The following LRBA variants were observed in gnomAD, a reference collection of about 807,000 sequenced individuals.
The protein encoded by LRBA is LPS responsive beige-like anchor protein, also known as lipopolysaccharide-responsive and beige-like anchor protein.
A neutral mutation model predicts 330.0 loss-of-function variants in LRBA; 176 were observed. That is an observed-to-expected ratio of 0.53 (90% confidence interval 0.47 to 0.60). The LOEUF (loss-of-function observed/expected upper bound fraction) is 0.60, where lower values mean the gene tolerates loss of function less well. Ranked by LOEUF, LRBA falls within the 20% of genes least tolerant of loss-of-function variation. LRBA has a pLI of 0.00. For synonymous variants in LRBA, 1,230 were observed against 1,193.0 expected, an observed-to-expected ratio of 1.03 and a Z score of -0.64; for missense variants, 3,259 against 3,444.8, an observed-to-expected ratio of 0.95 and a Z score of 1.35.
chr4:150,708,333 G>A (rs559011656), intron 36 of LRBA, among the ~76,000 whole-genome samples: 3 of 151,944 alleles, frequency 2.0e-5, no homozygotes, highest in African/African-American at 7.2e-5. Flanking sequence ...TATCAAGGTT[G>A]CCTGTGGATA....
chr4:151,000,191 C>T (rs1743177530), intron 2 of LRBA, among the ~76,000 whole-genome samples: 2 of 152,116 alleles, frequency 1.3e-5, no homozygotes, highest in Admixed American at 1.3e-4. Context: ...GGAGTTACAT[C>T]CCAATAAACT....
chr4:150,571,038 C>A (rs1769776356), intron 40 of LRBA, among the ~76,000 whole-genome samples: 1 of 152,108 alleles, frequency 6.6e-6, no homozygotes, highest in Non-Finnish European at 1.5e-5. Context: ...CCAAGAAAGA[C>A]ATTAGTCATC....
intron 40 of LRBA, among the ~76,000 whole-genome samples, chr4:150,509,053 G>C (rs1220440385): frequency 6.6e-6 from 1 of 152,066 alleles, no homozygotes; most frequent in African/African-American, 2.4e-5. Flanking sequence ...TATAGTTAAT[G>C]GTAATGTACT....
chr4:150,338,055 C>A (rs181635167), intron 48 of LRBA, among the ~76,000 whole-genome samples: 4 of 152,126 alleles, frequency 2.6e-5, no homozygotes, highest in African/African-American at 7.2e-5. Flanking sequence ...TAAACTTAAA[C>A]ACTGCTGCTG....
chr4:150,990,530 C>G (rs528308076), intron 2 of LRBA, among the ~76,000 whole-genome samples: 1 of 152,014 alleles, frequency 6.6e-6, no homozygotes, highest in African/African-American at 2.4e-5. Context: ...GAGTTTCAGA[C>G]CAGCCTAGGC....
chr4:150,489,127 A>AGAATATATAATATATAATATATC (rs1758331472), intron 41 of LRBA, among the ~76,000 whole-genome samples: 2 of 103,384 alleles, frequency 1.9e-5, no homozygotes, highest in Admixed American at 1.2e-4. Flanking sequence ...TATAATATAT[A>AGAATATATAATATATAATATATC]AGAATATATA....
intron 17 of LRBA, among the ~76,000 whole-genome samples, chr4:150,892,701 G>A (rs1729592501): frequency 6.6e-6 from 1 of 152,206 alleles, no homozygotes. Context: ...AGGAAGGATA[G>A]AGAGCTTGTC....
intron 17 of LRBA, among the ~76,000 whole-genome samples, chr4:150,879,271 C>T (rs1334152033): frequency 6.6e-6 from 1 of 152,118 alleles, no homozygotes; most frequent in Non-Finnish European, 1.5e-5. Flanking sequence ...CAAAACCATA[C>T]ATTTATCCCA....
At chr4:150,601,839 C>T (rs1044310704) in intron 37 of LRBA, among the ~76,000 whole-genome samples, 1 of 150,792 alleles carries the variant, frequency 6.6e-6, no homozygotes, top group Non-Finnish European at 1.5e-5. Flanking sequence ...CTACAGGCGC[C>T]TGCCACCATG....
intron 36 of LRBA, among the ~76,000 whole-genome samples, chr4:150,692,617 C>T (rs1046538953): frequency 6.6e-6 from 1 of 152,040 alleles, no homozygotes; most frequent in African/African-American, 2.4e-5. Context: ...AGGTAAATAC[C>T]TTCTACAAAT....
At chr4:150,697,631 T>C (rs931821996) in intron 36 of LRBA, among the ~76,000 whole-genome samples, 2 of 152,160 alleles carry the variant, frequency 1.3e-5, no homozygotes, top group African/African-American at 4.8e-5. Flanking sequence ...CAAAGGTTTA[T>C]ATAAATCATT....
intron 44 of LRBA, among the ~76,000 whole-genome samples, chr4:150,466,187 C>T (rs1755432929): frequency 6.6e-6 from 1 of 152,026 alleles, no homozygotes; most frequent in Admixed American, 6.6e-5. Flanking sequence ...TTGACATCCT[C>T]GGTAACTATT....
chr4:150,310,951 T>G (rs924572801), intron 51 of LRBA: 1 of 152,208 alleles, frequency 6.6e-6, no homozygotes, highest in African/African-American at 2.4e-5. Context: ...GTAGAATGAC[T>G]GTTTATTAAA....
chr4:150,834,806 ATCT>A (rs1235668039), intron 28 of LRBA, among the ~76,000 whole-genome samples: 1 of 152,176 alleles, frequency 6.6e-6, no homozygotes, highest in Non-Finnish European at 1.5e-5. Flanking sequence ...GTAGGATGGT[ATCT>A]TCTTCCAATA....
intron 56 of LRBA, among the ~76,000 whole-genome samples, chr4:150,271,358 G>A (rs1037587855): frequency 1.1e-4 from 17 of 151,324 alleles, no homozygotes; most frequent in East Asian, 3.9e-4. Context: ...GAATGCCAGC[G>A]AGACAGAACC....
chr4:150,540,881 G>A (rs1393887439), intron 40 of LRBA, among the ~76,000 whole-genome samples: 1 of 152,098 alleles, frequency 6.6e-6, no homozygotes, highest in Non-Finnish European at 1.5e-5. Context: ...TAACCATATA[G>A]ATGCACCATT....
chr4:151,006,810 A>G (rs968292246), intron 2 of LRBA, among the ~76,000 whole-genome samples: 39 of 152,352 alleles, frequency 2.6e-4, no homozygotes, highest in African/African-American at 8.9e-4. Context: ...TGTCACTTCC[A>G]GGAAACTTTG....
intron 52 of LRBA, among the ~76,000 whole-genome samples, chr4:150,303,601 T>G (rs905460833): frequency 6.6e-6 from 1 of 151,506 alleles, no homozygotes; most frequent in Non-Finnish European, 1.5e-5. Flanking sequence ...AGGCGGAGTC[T>G]CGTTCTGTCG....
intron 37 of LRBA, among the ~76,000 whole-genome samples, chr4:150,640,650 A>G (rs1250764792): frequency 6.6e-6 from 1 of 152,194 alleles, no homozygotes; most frequent in African/African-American, 2.4e-5. Context: ...TCTCCTGCTC[A>G]CCATAATTTC....
Sources: gnomAD v4.1 joint callset for allele counts (sites outside exome capture counted in the v4.1 genomes callset) on GRCh38, gnomAD v4.1.1 for gene constraint, MANE v1.5 for transcripts, NCBI Gene and HGNC (gene_info 2026-07-23, HGNC 2026-07-21) for gene names.